Variants in MAP3K20 observed in about 807,000 individuals in gnomAD.
MAP3K20 encodes HCCS-4.
A neutral mutation model predicts 85.7 loss-of-function variants in MAP3K20; 40 were observed. The ratio of observed to expected loss-of-function variants is 0.47; its 90% CI spans 0.36 to 0.61. The LOEUF (loss-of-function observed/expected upper bound fraction) is 0.61, where lower values mean the gene tolerates loss of function less well. Ranked by LOEUF, MAP3K20 falls within the 20% of genes least tolerant of loss-of-function variation. The pLI, the probability that MAP3K20 is intolerant of heterozygous loss-of-function variation, is 0.00. For synonymous variants in MAP3K20, 325 were observed against 327.7 expected, an observed-to-expected ratio of 0.99 and a Z score of 0.09; for missense variants, 817 against 961.7, an observed-to-expected ratio of 0.85 and a Z score of 1.99.
At chr2:173,218,411 C>T (rs767044759) in intron 11 of MAP3K20, among the ~76,000 whole-genome samples, 23 of 152,186 alleles carry the variant, frequency 1.5e-4, no homozygotes, top group Admixed American at 1.2e-3. Flanking sequence ...AATTGCTATC[C>T]CTAACACTAT....
chr2:173,143,125 G>A (rs947634620), intron 2 of MAP3K20, among the ~76,000 whole-genome samples: 3 of 152,172 alleles, frequency 2.0e-5, no homozygotes, highest in Admixed American at 2.0e-4. Context: ...TCTGTTGAAA[G>A]TAAAAACATG....
intron 3 of MAP3K20, among the ~76,000 whole-genome samples, chr2:173,180,765 CTAAGTA>C (rs1690301567): frequency 6.6e-6 from 1 of 151,968 alleles, no homozygotes; most frequent in African/African-American, 2.4e-5. Flanking sequence ...GATCATAAGC[CTAAGTA>C]TAAGGGTTAA....
chr2:173,189,196 T>C (rs1359233410), intron 5 of MAP3K20, among the ~76,000 whole-genome samples: 1 of 152,208 alleles, frequency 6.6e-6, no homozygotes, highest in Non-Finnish European at 1.5e-5. Context: ...TGAGCACTTG[T>C]TAATCTTATA....
chr2:173,102,946 G>A (rs1416355624), intron 2 of MAP3K20, among the ~76,000 whole-genome samples: 1 of 151,920 alleles, frequency 6.6e-6, no homozygotes, highest in East Asian at 1.9e-4. Flanking sequence ...CCAGATACTC[G>A]GGAGGCTGAG....
chr2:173,235,234 G>T (rs753849548), intron 14 of MAP3K20, among the ~76,000 whole-genome samples: 1 of 152,230 alleles, frequency 6.6e-6, no homozygotes, highest in Non-Finnish European at 1.5e-5. Context: ...CTTGAGGGAA[G>T]TTTTATGGGA....
Position 173,261,104 on chromosome 2 carries a change from AAGTC to A in MAP3K20, c.1521_1524del (p.Ser507ArgfsTer36). On this transcript the variant is annotated frameshift_variant, in exon 18 of 20. Coordinates refer to ENST00000375213, the MANE Select transcript of MAP3K20 (RefSeq NM_016653.3). LOFTEE classifies it high-confidence loss of function. Reference sequence around the variant, plus strand: ...AGAAGTGGATTGTAGGAATAGCAAAAAGTCAGACTGTGGAGTGCACTGTCACATA... The same window carrying A: ...AGAAGTGGATTGTAGGAATAGCAAAAAGACTGTGGAGTGCACTGTCACATA... 6.2e-7 allele frequency: 1 copy of A among 1,613,764 alleles called. No individual in the cohort carries two copies. Among genetic ancestry groups the A allele is most frequent in the Non-Finnish European group, 8.5e-7 (1 of 1,179,706 alleles).
intron 5 of MAP3K20, 100 bp downstream of exon 5, chr2:173,187,723 C>T (rs977192040): frequency 6.3e-5 from 64 of 1,019,724 alleles, no homozygotes; most frequent in Non-Finnish European, 8.6e-5. Flanking sequence ...TTGTAACCTA[C>T]TATTGGACTC....
intron 10 of MAP3K20, among the ~76,000 whole-genome samples, chr2:173,214,839 C>T (rs1027038445): frequency 2.1e-4 from 32 of 152,230 alleles, no homozygotes; most frequent in African/African-American, 7.0e-4. Flanking sequence ...ATTTGATGCA[C>T]AACAATGCAC....
At chr2:173,225,908 T>TA (rs67401411) in intron 11 of MAP3K20, 351,431 of 875,590 alleles carry the variant, frequency 0.4, 18,690 homozygotes, top group Non-Finnish European at 0.42. Flanking sequence ...ATTCCACAAT[T>TA]AAAAAAAAAA....
intron 2 of MAP3K20, among the ~76,000 whole-genome samples, chr2:173,102,948 G>A (rs1458907907): frequency 6.6e-5 from 10 of 152,066 alleles, no homozygotes; most frequent in Non-Finnish European, 7.4e-5. Context: ...AGATACTCGG[G>A]AGGCTGAGGG....
Position 173,162,868 on chromosome 2 carries a change from A to G in MAP3K20, c.160-6937A>G, listed in dbSNP as rs569217802. Among the ~76,000 whole-genome samples, 8 of 152,254 alleles carry G rather than the reference A, an allele frequency of 5.3e-5. No homozygotes were observed. In the South Asian group the frequency reaches 1.5e-3, roughly 28 times the overall value. ...GAAGCATGGACCCCGCTGAGACACA[A>G]TCTTGCTGCTAGGTGGAGGGAAGTA... is the stretch of plus-strand genomic sequence containing the variant. On this transcript the variant is annotated intron_variant, in intron 2 of 19. Transcript: ENST00000375213.
chr2:173,265,194 G>A (rs539101128), intron 19 of MAP3K20, among the ~76,000 whole-genome samples: 48 of 152,346 alleles, frequency 3.2e-4, no homozygotes, highest in African/African-American at 7.9e-4. Context: ...TACTCTCCAC[G>A]CGCACTATCT....
chr2:173,183,510 C>G (rs1005413780), intron 4 of MAP3K20, among the ~76,000 whole-genome samples: 1 of 152,076 alleles, frequency 6.6e-6, no homozygotes, highest in Admixed American at 6.6e-5. Context: ...ACACCAAACC[C>G]CTAAACAAAG....
chr2:173,226,341 A>C (rs1381351652), intron 11 of MAP3K20: 1 of 984,332 alleles, frequency 1.0e-6, no homozygotes, highest in Non-Finnish European at 1.2e-6. Flanking sequence ...ACTTTAAAAA[A>C]TTATTGTACT....
intron 11 of MAP3K20, chr2:173,223,970 A>G: frequency 1.3e-5 from 13 of 985,486 alleles, no homozygotes; most frequent in Non-Finnish European, 1.6e-5. Context: ...AAAGATAGTC[A>G]TTCATTCAAC....
intron 11 of MAP3K20, among the ~76,000 whole-genome samples, chr2:173,229,297 G>A (rs1684463193): frequency 6.6e-6 from 1 of 152,206 alleles, no homozygotes; most frequent in Non-Finnish European, 1.5e-5. Flanking sequence ...ACATGATCTG[G>A]TTACTAAGTG....
intron 2 of MAP3K20, among the ~76,000 whole-genome samples, chr2:173,168,266 C>T (rs192160477): frequency 2.3e-3 from 348 of 152,218 alleles, no homozygotes; most frequent in East Asian, 4.6e-3. Flanking sequence ...CCCCTCTATA[C>T]ACACGAGGCA....
rs1685439103 is a variant in MAP3K20, at chr2:173,266,845, A to T, written c.*95A>T. 8.3e-7 allele frequency: 1 copy of T among 1,201,442 alleles called. No individual in the cohort carries two copies. The highest frequency in any genetic ancestry group is 1.1e-6 in the Non-Finnish European group (1 of 910,132). 74.4% of individuals were successfully genotyped at this position (1,201,442 alleles called of 1,614,324 possible). ...TAATATGATCCCTTCAGATTGAATT[A>T]ACGAAAAGACAACACTTCCAGTTTT... On this transcript the variant is annotated 3_prime_UTR_variant, in exon 20 of 20. Transcript: ENST00000375213.
intron 2 of MAP3K20, among the ~76,000 whole-genome samples, chr2:173,122,399 AG>A (rs1248568723): frequency 9.2e-5 from 14 of 152,158 alleles, no homozygotes; most frequent in Non-Finnish European, 2.9e-5. Flanking sequence ...ATTCAGAGCT[AG>A]TGTTTAGTAT....
Sources: allele counts gnomAD v4.1 joint callset (sites outside exome capture counted in the v4.1 genomes callset), GRCh38; gene constraint gnomAD v4.1.1; transcripts MANE v1.5; gene names NCBI Gene and HGNC (gene_info 2026-07-23, HGNC 2026-07-21).